Variants in CHST12 observed in about 807,000 individuals in gnomAD.
CHST12 encodes the protein carbohydrate (chondroitin 4) sulfotransferase 12.
A neutral mutation model predicts 27.9 loss-of-function variants in CHST12; 23 were observed. That is an observed-to-expected ratio of 0.82 (90% CI 0.59 to 1.17). CHST12 has a LOEUF of 1.17. CHST12 is among the 50% of genes most tolerant of loss of function. The probability of loss-of-function intolerance (pLI) is 0.00; values close to 1 mark genes in which losing one functional copy is unlikely to be tolerated. For synonymous variants in CHST12, 322 were observed against 273.0 expected (o/e 1.18, Z -1.77); for missense variants, 682 against 603.0 (o/e 1.13, Z -1.37).
At position 2,431,591 on chromosome 7, in the gene CHST12, G is replaced by A. The variant is rs943007764; in HGVS notation, c.-77-972G>A. Among the ~76,000 whole-genome samples, 3 of 152,226 alleles carry A rather than the reference G, an allele frequency of 2.0e-5. No homozygotes were observed. The East Asian group carries it at 5.8e-4, about 29-fold the overall frequency. On this transcript the variant is annotated intron_variant, in intron 1 of 1. Coordinates refer to ENST00000618655, the MANE Select transcript of CHST12 (RefSeq NM_018641.5). Reference sequence around the variant, plus strand: ...AGCTCCCTGCTGGACCACACTGACAGTACCCTGGTGGGACAGACAGAGGAA... The same window carrying A: ...AGCTCCCTGCTGGACCACACTGACAATACCCTGGTGGGACAGACAGAGGAA...
intron 1 of CHST12, among the ~76,000 whole-genome samples, chr7:2,412,999 CAGAG>C (rs769179161): frequency 8.6e-5 from 13 of 151,360 alleles, no homozygotes; most frequent in African/African-American, 2.7e-4. Context: ...CTGATGAAGA[CAGAG>C]AGATAAGTAA....
At chr7:2,409,522 G>A (rs7350030) in intron 1 of CHST12, among the ~76,000 whole-genome samples, 98,165 of 151,514 alleles carry the variant, frequency 0.65, 32,065 homozygotes, top group East Asian at 0.79. Context: ...TGAGGTGGGA[G>A]GATCACTTCA....
chr7:2,416,504 CT>C (rs144002432), intron 1 of CHST12, among the ~76,000 whole-genome samples: 1 of 152,320 alleles, frequency 6.6e-6, no homozygotes, highest in African/African-American at 2.4e-5. Context: ...CAGCTTTAGC[CT>C]TACAAAATGT....
rs1205171276 is a variant in CHST12, at chr7:2,441,664, G to A, written c.*7780G>A. The A allele has an allele frequency of 7.2e-6, 1 of 138,380 alleles. No homozygotes were observed. 8.6% of individuals were successfully genotyped at this position (138,380 alleles called of 1,614,324 possible). On this transcript the variant is annotated 3_prime_UTR_variant, in exon 2 of 2. Coordinates refer to ENST00000618655, the MANE Select transcript of CHST12 (RefSeq NM_018641.5). ...GCCATGATTGCACCACTGCATTCCA[G>A]CCTGGGTGACAGAGCAAGATCTTGT...
chr7:2,427,406 C>T (rs1365842170), intron 1 of CHST12, among the ~76,000 whole-genome samples: 3 of 150,690 alleles, frequency 2.0e-5, no homozygotes, highest in African/African-American at 7.3e-5. Flanking sequence ...AAGGCTGAGA[C>T]GGGAGGATCA....
rs758190950 is a variant in CHST12, at chr7:2,432,791, C to T, written c.152C>T (p.Thr51Met). The T allele has an allele frequency of 2.2e-5, 35 of 1,613,760 alleles. No homozygotes were observed. The highest frequency in any genetic ancestry group is 2.7e-5 in the Non-Finnish European group (32 of 1,179,810). Residue 51 changes from threonine to methionine, a missense_variant, in exon 2 of 2, where the codon ACG (threonine) becomes ATG (methionine). Physicochemically the swap from Thr to Met is moderately conservative, Grantham distance 81. Transcript: ENST00000618655. The stretch of plus-strand genomic sequence containing the variant: ...CCGCACACGGGGCCGCCGCTGCCCA[C>T]GCCCGGGCCGGACAGGGACAGGGAG... Reference protein sequence around the residue: ...SRPHTGPPLPTPGPDRDRELT... With the variant: ...SRPHTGPPLPMPGPDRDRELT...
intron 1 of CHST12, among the ~76,000 whole-genome samples, chr7:2,426,394 G>C (rs190729029): frequency 1.3e-5 from 2 of 152,204 alleles, no homozygotes; most frequent in East Asian, 1.9e-4. Context: ...AGCTATGTGA[G>C]TGAGAGCGGG....
chr7:2,412,203 TAACTG>T (rs1407279543), intron 1 of CHST12, among the ~76,000 whole-genome samples: 4 of 152,330 alleles, frequency 2.6e-5, no homozygotes, highest in South Asian at 4.1e-4. Flanking sequence ...CAGATATAGT[TAACTG>T]AACACAAATG....
At position 2,421,688 on chromosome 7, in the gene CHST12, C is replaced by T. The variant is rs551896944; in HGVS notation, c.-77-10875C>T. 3.1e-4 allele frequency among the ~76,000 whole-genome samples: 47 copies of T among 152,070 alleles called. 1 individual carries two copies. Among genetic ancestry groups the T allele is most frequent in the Non-Finnish European group, 5.6e-4 (38 of 68,014 alleles). On this transcript the variant is annotated intron_variant, in intron 1 of 1. Coordinates refer to ENST00000618655, the MANE Select transcript of CHST12 (RefSeq NM_018641.5). ...CTGAGCTCAAGTGATCTGCCCACCT[C>T]AGCCTCCCAAAGTGCCAGGATTACA...
chr7:2,421,120 C>A (rs1781961702), intron 1 of CHST12, among the ~76,000 whole-genome samples: 1 of 151,514 alleles, frequency 6.6e-6, no homozygotes. Flanking sequence ...TGCAGTGGTG[C>A]CATCACAGCT....
intron 1 of CHST12, among the ~76,000 whole-genome samples, chr7:2,430,683 C>G (rs1003089459): frequency 1.3e-5 from 2 of 152,060 alleles, no homozygotes; most frequent in African/African-American, 2.4e-5. Context: ...AACTCCTGAT[C>G]TCAAGTGATC....
chr7:2,428,283 C>T (rs1162445204), intron 1 of CHST12, among the ~76,000 whole-genome samples: 1 of 151,540 alleles, frequency 6.6e-6, no homozygotes, highest in Non-Finnish European at 1.5e-5. Context: ...CAAGCTCTGC[C>T]TCTCGGGTTC....
Position 2,442,354 on chromosome 7 carries a change from C to T in CHST12, c.*8470C>T, listed in dbSNP as rs936803074. On this transcript the variant is annotated 3_prime_UTR_variant, in exon 2 of 2. Transcript: ENST00000618655. ...TGCTGTGAACACGGGTGTGCAGATA[C>T]CTGTTCAAGTCCCTGCTGTTTTCTT... 4 of 152,190 alleles carry T rather than the reference C, an allele frequency of 2.6e-5. No homozygotes were observed. Among genetic ancestry groups the T allele is most frequent in the African/African-American group, 9.7e-5 (4 of 41,432 alleles). The allele number at this position is 152,190 out of a possible 1,614,324, so 9.4% of individuals were successfully genotyped here.
Position 2,440,424 on chromosome 7 carries a change from T to G in CHST12, c.*6540T>G, listed in dbSNP as rs896990221. On this transcript the variant is annotated 3_prime_UTR_variant, in exon 2 of 2. Transcript: ENST00000618655. ...AAGAGAATGTGTGTGTGTGTGTGTTTGGAGATTTGGACTTGAAAATTCTAG... is the reference window on the plus strand; with the variant it reads ...AAGAGAATGTGTGTGTGTGTGTGTTGGGAGATTTGGACTTGAAAATTCTAG... 2.0e-5 allele frequency: 3 copies of G among 152,986 alleles called. No individual in the cohort carries two copies. Among genetic ancestry groups the G allele is most frequent in the African/African-American group, 7.2e-5 (3 of 41,382 alleles). The allele number at this position is 152,986 out of a possible 1,614,324, so 9.5% of individuals were successfully genotyped here.
chr7:2,439,999 C>G lies in CHST12; in HGVS notation c.*6115C>G, dbSNP rs1469357417. 6.6e-6 allele frequency: 1 copy of G among 152,086 alleles called. No homozygotes were observed. The highest frequency in any genetic ancestry group is 1.5e-5 in the Non-Finnish European group (1 of 68,024). 9.4% of individuals were successfully genotyped at this position (152,086 alleles called of 1,614,324 possible). On this transcript the variant is annotated 3_prime_UTR_variant, in exon 2 of 2. Transcript: ENST00000618655. ...CCTCCCAAAGTGCTGGGATTACAGG[C>G]GTGGGCTGCTGTGCCCAGCAGGAAT...
intron 1 of CHST12, among the ~76,000 whole-genome samples, chr7:2,411,197 C>T (rs1390940135): frequency 6.6e-6 from 1 of 152,118 alleles, no homozygotes; most frequent in Non-Finnish European, 1.5e-5. Flanking sequence ...ATCCTCCCAC[C>T]TCAGCCTCCT....
At chr7:2,432,221 C>G (rs1782290185) in intron 1 of CHST12, among the ~76,000 whole-genome samples, 1 of 145,066 alleles carries the variant, frequency 6.9e-6, no homozygotes, top group African/African-American at 2.5e-5. Flanking sequence ...CAGGAGGGCT[C>G]ACACCTGGAG....
At position 2,435,743 on chromosome 7, in the gene CHST12, T is replaced by TGCTA. The variant is rs1476071436; in HGVS notation, c.*1862_*1865dup. The stretch of plus-strand genomic sequence containing the variant: ...TGTGTGGGTCTTGGCCCCCAGTGCC[T>TGCTA]GCTAGCCTCAGGTGTCCCCTGTGTT... On this transcript the variant is annotated 3_prime_UTR_variant, in exon 2 of 2. Coordinates refer to ENST00000618655, the MANE Select transcript of CHST12 (RefSeq NM_018641.5). 1 of 152,324 alleles carries TGCTA rather than the reference T, an allele frequency of 6.6e-6. No individual in the cohort carries two copies. Among genetic ancestry groups the TGCTA allele is most frequent in the Non-Finnish European group, 1.5e-5 (1 of 68,112 alleles). 9.4% of individuals were successfully genotyped at this position (152,324 alleles called of 1,614,324 possible).
Position 2,436,408 on chromosome 7 carries a change from G to A in CHST12, c.*2524G>A, listed in dbSNP as rs779932920. 1 of 152,230 alleles carries A rather than the reference G, an allele frequency of 6.6e-6. No individual in the cohort carries two copies. Among genetic ancestry groups the A allele is most frequent in the African/African-American group, 2.4e-5 (1 of 41,454 alleles). The allele number at this position is 152,230 out of a possible 1,614,324, so 9.4% of individuals were successfully genotyped here. A position where few individuals can be genotyped will look rare whatever the true frequency, so the allele number is the denominator to read the frequency against. ...ACTGAAGTACTTCACCTCATGCAATGTCCTCTAGGTTCATCGGTGTCGTGG... is the reference window on the plus strand; with the variant it reads ...ACTGAAGTACTTCACCTCATGCAATATCCTCTAGGTTCATCGGTGTCGTGG... On this transcript the variant is annotated 3_prime_UTR_variant, in exon 2 of 2. Coordinates refer to ENST00000618655, the MANE Select transcript of CHST12 (RefSeq NM_018641.5).
Sources: allele counts gnomAD v4.1 joint callset (sites outside exome capture counted in the v4.1 genomes callset), GRCh38; gene constraint gnomAD v4.1.1; transcripts MANE v1.5; gene names NCBI Gene and HGNC (gene_info 2026-07-23, HGNC 2026-07-21).